The following OTUD7B variants were observed in gnomAD, a reference collection of about 807,000 sequenced individuals.
The protein encoded by OTUD7B is OTU domain-containing protein 7B.
A neutral mutation model predicts 82.2 loss-of-function variants in OTUD7B; 34 were observed. The ratio of observed to expected loss-of-function variants is 0.41; its 90% CI spans 0.31 to 0.55. The LOEUF (loss-of-function observed/expected upper bound fraction) is 0.55. Ranked by LOEUF, OTUD7B falls within the 20% of genes least tolerant of loss-of-function variation. OTUD7B has a pLI of 0.20. For synonymous variants in OTUD7B, 398 were observed against 402.7 expected (o/e 0.99, Z 0.14); for missense variants, 944 against 1,062.1 (o/e 0.89, Z 1.55).
At chr1:150,035,101 G>T in the OTUD7B span, among the ~76,000 whole-genome samples, 1 of 149,338 alleles carries the variant, frequency 6.7e-6, no homozygotes, top group Non-Finnish European at 1.5e-5. Context: ...CTGAGATCGC[G>T]CCATTGCACT....
intron 1 of OTUD7B, among the ~76,000 whole-genome samples, chr1:149,990,356 A>G (rs1257742789): frequency 6.6e-6 from 1 of 152,248 alleles, no homozygotes; most frequent in African/African-American, 2.4e-5. Context: ...AACAGGCCTA[A>G]CACATTGCTT....
chr1:150,063,264 C>T, the OTUD7B span, among the ~76,000 whole-genome samples: 27 of 151,968 alleles, frequency 1.8e-4, 1 homozygote, highest in African/African-American at 6.5e-4. Flanking sequence ...CCAGCCTGGC[C>T]AACATGGTGA....
the OTUD7B span, among the ~76,000 whole-genome samples, chr1:150,026,670 T>A: frequency 6.6e-6 from 1 of 152,212 alleles, no homozygotes; most frequent in Admixed American, 6.5e-5. Flanking sequence ...AGCCCAGGGC[T>A]ACTTAAGGCT....
the OTUD7B span, among the ~76,000 whole-genome samples, chr1:150,032,319 AT>A: frequency 7.0e-6 from 1 of 142,924 alleles, no homozygotes; most frequent in East Asian, 2.1e-4. Flanking sequence ...TCTCAAAAAA[AT>A]AAAAGAAAAA....
chr1:150,018,572 A>G, the OTUD7B span, among the ~76,000 whole-genome samples: 1 of 152,198 alleles, frequency 6.6e-6, no homozygotes, highest in Non-Finnish European at 1.5e-5. Flanking sequence ...ATTAATGACG[A>G]TTACATGAAT....
intron 1 of OTUD7B, among the ~76,000 whole-genome samples, chr1:149,994,154 T>C (rs1190081547): frequency 2.6e-5 from 4 of 152,204 alleles, no homozygotes; most frequent in African/African-American, 9.6e-5. Flanking sequence ...ACACTATTAT[T>C]GGTAGTGGTG....
rs1647437742 is a variant in OTUD7B at position 149,943,794 on chromosome 1, T to C, written c.*63A>G. ...CCCCTCAACATGGGGACTGTGTTCTTGATGAGCCAATTAGTTGAGCTTAAC... is the reference window on the plus strand; with the variant it reads ...CCCCTCAACATGGGGACTGTGTTCTCGATGAGCCAATTAGTTGAGCTTAAC... On this transcript the variant is annotated 3_prime_UTR_variant, in exon 12 of 12. Transcript: ENST00000581312. 1 of 1,508,806 alleles carries C rather than the reference T, an allele frequency of 6.6e-7. No homozygotes were observed. The highest frequency in any genetic ancestry group is 9.1e-7 in the Non-Finnish European group (1 of 1,096,844). 93.5% of individuals were successfully genotyped at this position (1,508,806 alleles called of 1,614,324 possible).
At chr1:149,959,231 G>GAA (rs1480883083) in intron 7 of OTUD7B, among the ~76,000 whole-genome samples, 3 of 149,610 alleles carry the variant, frequency 2.0e-5, no homozygotes, top group South Asian at 2.1e-4. Context: ...AAAAAAAAAA[G>GAA]AAAAAAAAGA....
At chr1:149,985,445 C>T (rs1005183558) in intron 1 of OTUD7B, among the ~76,000 whole-genome samples, 4 of 152,050 alleles carry the variant, frequency 2.6e-5, no homozygotes, top group Non-Finnish European at 4.4e-5. Context: ...TATACAGGGT[C>T]GGGCATGCTG....
At chr1:150,061,651 A>C in the OTUD7B span, among the ~76,000 whole-genome samples, 1 of 152,232 alleles carries the variant, frequency 6.6e-6, no homozygotes, top group Non-Finnish European at 1.5e-5. Flanking sequence ...TGACCTGCCC[A>C]GGGGCTCTGG....
chr1:150,002,752 G>A (rs1457431055), intron 1 of OTUD7B, among the ~76,000 whole-genome samples: 3 of 152,062 alleles, frequency 2.0e-5, no homozygotes, highest in African/African-American at 4.8e-5. Context: ...AATGAATGAG[G>A]AAAACTAAGA....
chr1:149,996,383 C>A lies in OTUD7B; in HGVS notation c.-67+14065G>T, dbSNP rs368432515. 1.1e-3 allele frequency among the ~76,000 whole-genome samples: 166 copies of A among 152,108 alleles called. 1 individual carries two copies. Among genetic ancestry groups the A allele is most frequent in the African/African-American group, 1.4e-3 (58 of 41,516 alleles). On this transcript the variant is annotated intron_variant, in intron 1 of 11. Coordinates refer to ENST00000581312, the MANE Select transcript of OTUD7B (RefSeq NM_020205.4). The stretch of plus-strand genomic sequence containing the variant: ...TCAAGACCATTTTTAACAACAACAA[C>A]AAAAAAAACTGGGGTTCCACCTATT...
intron 7 of OTUD7B, among the ~76,000 whole-genome samples, chr1:149,958,738 G>T (rs1648906960): frequency 1.8e-5 from 1 of 56,820 alleles, no homozygotes; most frequent in South Asian, 8.4e-4. Context: ...CATCCCAACT[G>T]GTTGATGTCT....
At chr1:149,989,806 T>C (rs1571704755) in intron 1 of OTUD7B, among the ~76,000 whole-genome samples, 1 of 149,558 alleles carries the variant, frequency 6.7e-6, no homozygotes, top group South Asian at 2.1e-4. Flanking sequence ...TATAAAATTA[T>C]ATAATTCAGT....
intron 7 of OTUD7B, among the ~76,000 whole-genome samples, chr1:149,951,775 T>C (rs1212449867): frequency 6.6e-6 from 1 of 152,178 alleles, no homozygotes; most frequent in African/African-American, 2.4e-5. Flanking sequence ...TAGGTTATAA[T>C]TTTTAACCAT....
intron 6 of OTUD7B, 139 bp from the exon 7 acceptor site, chr1:149,959,935 C>A (rs1649015555): frequency 4.8e-6 from 3 of 625,698 alleles, no homozygotes; most frequent in Non-Finnish European, 8.6e-6. Flanking sequence ...AAAGTCAAAT[C>A]TCTTATCTCT....
intron 4 of OTUD7B, among the ~76,000 whole-genome samples, chr1:149,966,793 C>T (rs1013437579): frequency 3.3e-5 from 5 of 152,166 alleles, no homozygotes; most frequent in Non-Finnish European, 7.3e-5. Flanking sequence ...TTTCCATGCC[C>T]TCATCTAACT....
intron 1 of OTUD7B, among the ~76,000 whole-genome samples, chr1:149,993,265 C>T (rs1247367972): frequency 6.6e-6 from 1 of 152,242 alleles, no homozygotes; most frequent in Non-Finnish European, 1.5e-5. Context: ...GGCCCACCAT[C>T]AGTACAGTAG....
chr1:150,034,181 A>C, the OTUD7B span, among the ~76,000 whole-genome samples: 1 of 152,234 alleles, frequency 6.6e-6, no homozygotes, highest in South Asian at 2.1e-4. Context: ...AGTTATTACT[A>C]ATAAATCTGT....
Sources: gnomAD v4.1 joint callset for allele counts (sites outside exome capture counted in the v4.1 genomes callset) on GRCh38, gnomAD v4.1.1 for gene constraint, MANE v1.5 for transcripts, NCBI Gene and HGNC (gene_info 2026-07-23, HGNC 2026-07-21) for gene names.